TMPRSS6: variants seen among roughly 807,000 people sequenced by gnomAD.
TMPRSS6 encodes transmembrane protease serine 6.
In TMPRSS6, 67 loss-of-function variants were observed where a neutral mutation model predicts 101.5. The observed-to-expected ratio is 0.66, with a 90% CI of 0.54 to 0.81. The LOEUF is 0.81. Among genes scored for constraint, TMPRSS6 ranks in the 30% least tolerant of loss-of-function variants. The pLI is 0.00. For synonymous variants in TMPRSS6, 453 were observed against 464.9 expected (o/e 0.97, Z 0.33); for missense variants, 1,034 against 1,088.7 (o/e 0.95, Z 0.71).
At chr22:37,066,698 T>C (rs1424054716) in intron 17 of TMPRSS6, 128 bp downstream of exon 17, 6 of 1,245,586 alleles carry the variant, frequency 4.8e-6, no homozygotes, top group Non-Finnish European at 5.8e-6. Context: ...AAAGTAGGGG[T>C]GGCCATCACC....
At position 37,074,691 on chromosome 22, in the gene TMPRSS6, G is replaced by A. The variant is rs1453235639; in HGVS notation, c.1360C>T (p.Leu454Phe). The part of the protein sequence containing the change: ...NQSDPCPGEF[L>F]CSVNGLCVPA... Reference sequence around the variant, plus strand: ...ACACAGAGTCCATTCACAGAACAGAGGAACTCTCCAGGGCAGGCTGCAAAA... The same window carrying A: ...ACACAGAGTCCATTCACAGAACAGAAGAACTCTCCAGGGCAGGCTGCAAAA... Residue 454 changes from leucine (L) to phenylalanine (F), a missense_variant, in exon 12 of 18, where the codon CTC becomes TTC. Transcript: ENST00000676104. 1 of 1,614,086 alleles carries A rather than the reference G, an allele frequency of 6.2e-7. No homozygotes were observed. Among genetic ancestry groups the A allele is most frequent in the African/African-American group, 1.3e-5 (1 of 74,944 alleles).
chr22:37,108,324 T>G (rs1930841400), intron 1 of TMPRSS6, among the ~76,000 whole-genome samples: 1 of 152,174 alleles, frequency 6.6e-6, no homozygotes, highest in African/African-American at 2.4e-5. Context: ...AGACCTCACC[T>G]CTTCGCAGCT....
intron 2 of TMPRSS6, among the ~76,000 whole-genome samples, chr22:37,102,712 C>G (rs1290111785): frequency 6.6e-6 from 1 of 152,170 alleles, no homozygotes; most frequent in Admixed American, 6.5e-5. Context: ...ATGCTGGACC[C>G]TGGAGACCCA....
At chr22:37,081,116 C>T (rs541961923) in intron 10 of TMPRSS6, among the ~76,000 whole-genome samples, 10 of 152,368 alleles carry the variant, frequency 6.6e-5, no homozygotes, top group East Asian at 3.9e-4. Flanking sequence ...CAGGCACCTG[C>T]TTCCTCGCTG....
intron 3 of TMPRSS6, among the ~76,000 whole-genome samples, chr22:37,097,490 G>C (rs989502757): frequency 6.6e-6 from 1 of 152,232 alleles, no homozygotes; most frequent in South Asian, 2.1e-4. Flanking sequence ...AAGAAGCTGC[G>C]GTATTGATCC....
At position 37,066,032 on chromosome 22, in the gene TMPRSS6, G is replaced by A; in HGVS notation, c.*48C>T. The A allele has an allele frequency of 3.1e-6, 5 of 1,610,714 alleles. No homozygotes were observed. Among genetic ancestry groups the A allele is most frequent in the Non-Finnish European group, 3.4e-6 (4 of 1,178,066 alleles). On this transcript the variant is annotated 3_prime_UTR_variant, in exon 18 of 18. Transcript: ENST00000676104. ...TCCCCCTGCTTGGCAGTTGCCCTGG[G>A]CTCTCTGAGTCCAGGAGGTGGGCCC... is the stretch of plus-strand genomic sequence containing the variant.
At position 37,065,784 on chromosome 22, in the gene TMPRSS6, G is replaced by T. The variant is rs2146014747; in HGVS notation, c.*296C>A. ...CCAGCATTCTTGCTGCTGAGCCACT[G>T]CCTTGCATTAGGCAGCAGTGGAGGA... On this transcript the variant is annotated 3_prime_UTR_variant, in exon 18 of 18. Transcript: ENST00000676104. 2 of 479,066 alleles carry T rather than the reference G, an allele frequency of 4.2e-6. No individual in the cohort carries two copies. Among genetic ancestry groups the T allele is most frequent in the East Asian group, 7.7e-5 (2 of 26,112 alleles). The allele number at this position is 479,066 out of a possible 1,614,324, so 29.7% of individuals were successfully genotyped here.
At chr22:37,074,229 C>G (rs192159788) in intron 12 of TMPRSS6, among the ~76,000 whole-genome samples, 1 of 152,242 alleles carries the variant, frequency 6.6e-6, no homozygotes, top group Admixed American at 6.5e-5. Context: ...ATCATCCCCC[C>G]ACCATGAACA....
rs115270691 is a variant in TMPRSS6, at chr22:37,103,525, G to C, written c.-1-107C>G. 1 of 1,614,112 alleles carries C rather than the reference G, an allele frequency of 6.2e-7. No homozygotes were observed. Among genetic ancestry groups the C allele is most frequent in the African/African-American group, 1.3e-5 (1 of 75,048 alleles). Reference sequence around the variant, plus strand: ...CAGGACTTCCCTGCCTTTTGGAGTGGAAGAGTAACAACATCAGGCGGCAGT... The same window carrying C: ...CAGGACTTCCCTGCCTTTTGGAGTGCAAGAGTAACAACATCAGGCGGCAGT... On this transcript the variant is annotated intron_variant, in intron 1 of 17. Transcript: ENST00000676104. This position sits in a 1 kb window ranked among gnomAD's most constrained non-coding sequence, Gnocchi z 4.4.
intron 10 of TMPRSS6, among the ~76,000 whole-genome samples, chr22:37,081,009 G>C (rs1427805706): frequency 6.6e-6 from 1 of 152,274 alleles, no homozygotes; most frequent in Non-Finnish European, 1.5e-5. Context: ...AGATCAGGCT[G>C]CCTGGCCTTA....
chr22:37,072,456 TG>T (rs1172076058), intron 13 of TMPRSS6, among the ~76,000 whole-genome samples: 2 of 125,622 alleles, frequency 1.6e-5, no homozygotes, highest in African/African-American at 6.6e-5. Flanking sequence ...GGATGGATGA[TG>T]GATGGATGGA....
At position 37,101,460 on chromosome 22, in the gene TMPRSS6, TGG is replaced by T. The variant is rs766580354; in HGVS notation, c.202+1754_202+1755del. Among the ~76,000 whole-genome samples the T allele has an allele frequency of 2.0e-5, 3 of 152,084 alleles. No individual in the cohort carries two copies. Among genetic ancestry groups the T allele is most frequent in the Non-Finnish European group, 4.4e-5 (3 of 67,982 alleles). The stretch of plus-strand genomic sequence containing the variant: ...CTCGGGCCAGGCTGTCCTCCTCGCT[TGG>T]GGCCTGTCCTGCTCCAGTGTCACTG... On this transcript the variant is annotated intron_variant, in intron 2 of 17. Transcript: ENST00000676104. This position sits in a 1 kb window ranked among gnomAD's most constrained non-coding sequence, Gnocchi z 4.1.
intron 12 of TMPRSS6, among the ~76,000 whole-genome samples, chr22:37,074,244 G>A (rs1011666317): frequency 1.1e-4 from 16 of 152,150 alleles, no homozygotes; most frequent in African/African-American, 3.4e-4. Flanking sequence ...TGAACATCTC[G>A]CTTCCCTCTT....
At chr22:37,109,953 G>T (rs1275853401), upstream of TMPRSS6, among the ~76,000 whole-genome samples, 1 of 151,996 alleles carries the variant, frequency 6.6e-6, no homozygotes, top group East Asian at 1.9e-4. Flanking sequence ...GAGTGCAGGG[G>T]CTCACAAGGG....
chr22:37,076,352 C>G (rs1199443310), intron 10 of TMPRSS6, among the ~76,000 whole-genome samples: 3 of 152,196 alleles, frequency 2.0e-5, no homozygotes, highest in African/African-American at 7.2e-5. Context: ...AGCACCTTCT[C>G]TGTGCATGGC....
At chr22:37,089,377 C>T (rs1042967676) in intron 7 of TMPRSS6, among the ~76,000 whole-genome samples, 7 of 152,146 alleles carry the variant, frequency 4.6e-5, no homozygotes, top group East Asian at 1.9e-4. Flanking sequence ...CTGAGGCTCG[C>T]GGAGGGGAAG....
At chr22:37,098,330 G>C in intron 3 of TMPRSS6, 86 bp downstream of exon 3, 1 of 1,598,024 alleles carries the variant, frequency 6.3e-7, no homozygotes, top group East Asian at 2.2e-5. Flanking sequence ...CAGATGGGTT[G>C]ACCAACTGGC....
Position 37,098,539 on chromosome 22 carries a change from C to T in TMPRSS6, c.213G>A (p.Ala71=), listed in dbSNP as rs746540575. Residue 71 remains alanine, a synonymous_variant, in exon 3 of 18, where the codon GCG becomes GCA. Transcript: ENST00000676104. ...AGTACACCTGGCTGACCATCACCTC[C>T]GCCTTGTACCCTGCCCAGGAAGGAA... ...VLLWYFLGYK[A]EVMVSQVYSG... is the part of the protein sequence containing the mutation. 3.0e-5 allele frequency: 49 copies of T among 1,614,018 alleles called. No homozygotes were observed. Among genetic ancestry groups the T allele is most frequent in the African/African-American group, 4.0e-5 (3 of 74,902 alleles).
rs1298407272 is a variant in TMPRSS6, at chr22:37,103,255, C to T, written c.163G>A (p.Val55Met). The stretch of plus-strand genomic sequence containing the variant: ...AGTAGCACCCCCGCCGAAGCCAGCA[C>T]GAGCAGGGCCAGCAGCACAAACAGG... ...VPLFVLLALL[V>M]LASAGVLLWY... is the part of the protein sequence containing the mutation. Residue 55 changes from valine to methionine, a missense_variant, in exon 2 of 18, where the codon GTG (valine) becomes ATG (methionine). Coordinates refer to ENST00000676104, the MANE Select transcript of TMPRSS6 (RefSeq NM_001374504.1). The surrounding 1 kb of genome is among the most constrained non-coding windows in gnomAD (Gnocchi z 4.4). 9 of 1,614,074 alleles carry T rather than the reference C, an allele frequency of 5.6e-6. No individual in the cohort carries two copies. Among genetic ancestry groups the T allele is most frequent in the African/African-American group, 1.3e-5 (1 of 75,026 alleles).
Sources: allele counts gnomAD v4.1 joint callset (sites outside exome capture counted in the v4.1 genomes callset), GRCh38; gene constraint gnomAD v4.1.1; non-coding constraint Gnocchi (gnomAD v3.1); transcripts MANE v1.5; gene names NCBI Gene and HGNC (gene_info 2026-07-23, HGNC 2026-07-21).